STRN: variants seen among roughly 807,000 people sequenced by gnomAD.
STRN encodes striatin, also known as protein phosphatase 2 regulatory subunit B'''alpha.
A neutral mutation model predicts 96.3 loss-of-function variants in STRN; 53 were observed. The observed-to-expected ratio is 0.55, with a 90% confidence interval of 0.44 to 0.69. The LOEUF (loss-of-function observed/expected upper bound fraction) is 0.69. Ranked by LOEUF, STRN falls within the 30% of genes least tolerant of loss-of-function variation. The pLI is 0.00. For synonymous variants in STRN, 428 were observed against 355.9 expected, an observed-to-expected ratio of 1.20 and a Z score of -2.28; for missense variants, 987 against 963.9, an observed-to-expected ratio of 1.02 and a Z score of -0.32.
At chr2:36,953,225 C>T (rs1378924813) in intron 1 of STRN, among the ~76,000 whole-genome samples, 1 of 152,126 alleles carries the variant, frequency 6.6e-6, no homozygotes, top group Non-Finnish European at 1.5e-5. Context: ...CCCAGCTCAC[C>T]TTAATTCCAG....
rs758082338 is a variant in STRN, at chr2:36,861,143, T to C, written c.1658A>G (p.Tyr553Cys). Residue 553 changes from tyrosine (Y) to cysteine (C), a missense_variant, in exon 13 of 18, where the codon TAT becomes TGT. By Grantham distance (194) the Tyr-to-Cys change is radical. Coordinates refer to ENST00000263918, the MANE Select transcript of STRN (RefSeq NM_003162.4). ...WNTTNPNIDPYDSYDPSVLRG... is the reference protein window; with the variant it reads ...WNTTNPNIDPCDSYDPSVLRG... ...GGGAAATCACCTACCATAAGAATCATAGGGGTCGATGTTGGGATTAGTGGT... is the reference window on the plus strand; with the variant it reads ...GGGAAATCACCTACCATAAGAATCACAGGGGTCGATGTTGGGATTAGTGGT... 2.5e-6 allele frequency: 4 copies of C among 1,613,968 alleles called. No homozygotes were observed. Among genetic ancestry groups the C allele is most frequent in the East Asian group, 2.2e-5 (1 of 44,862 alleles).
At position 36,857,935 on chromosome 2, in the gene STRN, G is replaced by T. The variant is rs763530877; in HGVS notation, c.1758C>A (p.Ser586=). Residue 586 remains serine, a synonymous_variant, in exon 14 of 18, where the codon TCC becomes TCA. Coordinates refer to ENST00000263918, the MANE Select transcript of STRN (RefSeq NM_003162.4). The part of the protein sequence containing the change: ...AYSAAHQRLL[S]CSADGTLRLW... ...AACGCAGAGTGCCATCTGCTGAACA[G>T]GACAACAAACGCTGATGTGCTGCAC... The T allele has an allele frequency of 6.2e-7, 1 of 1,614,044 alleles. No individual in the cohort carries two copies.
intron 1 of STRN, among the ~76,000 whole-genome samples, chr2:36,958,386 T>C (rs922056665): frequency 1.3e-5 from 2 of 152,152 alleles, no homozygotes; most frequent in African/African-American, 4.8e-5. Context: ...AAATAACTAC[T>C]TACTATGTTT....
intron 4 of STRN, chr2:36,902,987 T>C (rs1410883990): frequency 7.4e-6 from 2 of 271,894 alleles, no homozygotes; most frequent in African/African-American, 4.4e-5. Flanking sequence ...CACCATTCAT[T>C]ACATTTACCA....
chr2:36,861,797 G>C (rs2148138360), intron 12 of STRN, among the ~76,000 whole-genome samples: 1 of 151,710 alleles, frequency 6.6e-6, no homozygotes, highest in Middle Eastern at 3.4e-3. Flanking sequence ...TTAGTTTCAA[G>C]GTTACATGTG....
intron 2 of STRN, among the ~76,000 whole-genome samples, chr2:36,918,377 G>T (rs3770777): frequency 6.6e-6 from 1 of 151,952 alleles, no homozygotes; most frequent in African/African-American, 2.4e-5. Flanking sequence ...AATAGCAACT[G>T]AATGTAACTA....
chr2:36,917,050 AAT>A (rs1007212380), intron 2 of STRN, among the ~76,000 whole-genome samples: 12 of 143,858 alleles, frequency 8.3e-5, no homozygotes, highest in African/African-American at 3.0e-4. Context: ...TCAATAAAAA[AAT>A]AAAAAATAAA....
At chr2:36,889,108 CCT>C in intron 7 of STRN, among the ~76,000 whole-genome samples, 1 of 152,218 alleles carries the variant, frequency 6.6e-6, no homozygotes, top group East Asian at 1.9e-4. Context: ...CATACTATAT[CCT>C]CTTAGTTGAA....
chr2:36,938,801 TCTCTATTAGACA>T (rs1263339525), intron 1 of STRN, among the ~76,000 whole-genome samples: 1 of 152,214 alleles, frequency 6.6e-6, no homozygotes, highest in Non-Finnish European at 1.5e-5. Flanking sequence ...CTTAGCAAGT[TCTCTATTAGACA>T]TAATATATGT....
intron 2 of STRN, among the ~76,000 whole-genome samples, chr2:36,920,942 G>A (rs1483226818): frequency 6.6e-6 from 1 of 151,920 alleles, no homozygotes; most frequent in Non-Finnish European, 1.5e-5. Flanking sequence ...CAGTGTGGTG[G>A]TAAACGCCTG....
chr2:36,942,369 T>C (rs1670866897), intron 1 of STRN, among the ~76,000 whole-genome samples: 1 of 152,140 alleles, frequency 6.6e-6, no homozygotes, highest in African/African-American at 2.4e-5. Context: ...GAGAAAAATA[T>C]CACCTCTACT....
intron 9 of STRN, among the ~76,000 whole-genome samples, chr2:36,880,824 T>C (rs894119901): frequency 1.3e-5 from 2 of 152,164 alleles, no homozygotes; most frequent in Non-Finnish European, 2.9e-5. Flanking sequence ...ATAGACCATA[T>C]AAATTATGTA....
At chr2:36,854,498 CAG>C (rs1234404943) in intron 15 of STRN, among the ~76,000 whole-genome samples, 1 of 152,072 alleles carries the variant, frequency 6.6e-6, no homozygotes, top group Non-Finnish European at 1.5e-5. Context: ...GAGAGAGAGA[CAG>C]AGAGTGAGAA....
chr2:36,930,766 C>A (rs1204773996), intron 1 of STRN, among the ~76,000 whole-genome samples: 3 of 151,990 alleles, frequency 2.0e-5, no homozygotes, highest in Non-Finnish European at 2.9e-5. Flanking sequence ...GGCGCAGTGG[C>A]TCAGGCCTGT....
intron 1 of STRN, among the ~76,000 whole-genome samples, chr2:36,949,495 G>C (rs1007811986): frequency 2.6e-5 from 4 of 152,230 alleles, no homozygotes; most frequent in Non-Finnish European, 5.9e-5. Context: ...GGAGAAACCA[G>C]AAGTGAAATA....
intron 1 of STRN, among the ~76,000 whole-genome samples, chr2:36,956,433 T>C (rs543067895): frequency 3.2e-4 from 48 of 152,336 alleles, no homozygotes; most frequent in African/African-American, 1.1e-3. Flanking sequence ...AACTGTCCAA[T>C]TATGATGGTC....
intron 7 of STRN, 110 bp downstream of exon 7, chr2:36,893,788 A>G: frequency 7.3e-7 from 1 of 1,362,856 alleles, no homozygotes; most frequent in Non-Finnish European, 9.8e-7. Flanking sequence ...TAATAAGTTC[A>G]CAGAATGCTC....
At chr2:36,883,611 C>T (rs1056073912) in intron 9 of STRN, among the ~76,000 whole-genome samples, 1 of 152,110 alleles carries the variant, frequency 6.6e-6, no homozygotes, top group African/African-American at 2.4e-5. Flanking sequence ...TCAAAGTAAA[C>T]ATTTACTACC....
chr2:36,860,447 C>A (rs75184554), intron 13 of STRN, among the ~76,000 whole-genome samples: 1 of 152,224 alleles, frequency 6.6e-6, no homozygotes, highest in South Asian at 2.1e-4. Flanking sequence ...ATTTCTTATC[C>A]TTACTCTGGT....
Sources: gnomAD v4.1 joint callset for allele counts (sites outside exome capture counted in the v4.1 genomes callset) on GRCh38, gnomAD v4.1.1 for gene constraint, MANE v1.5 for transcripts, NCBI Gene and HGNC (gene_info 2026-07-23, HGNC 2026-07-21) for gene names.